RDH12: variants seen among roughly 807,000 people sequenced by gnomAD.
The protein encoded by RDH12 is retinol dehydrogenase 12.
A neutral mutation model predicts 34.0 loss-of-function variants in RDH12; 21 were observed. That is an observed-to-expected ratio of 0.62 (90% CI 0.44 to 0.89). The LOEUF (loss-of-function observed/expected upper bound fraction) is 0.89, where lower values mean the gene tolerates loss of function less well. Among genes scored for constraint, RDH12 ranks in the 40% least tolerant of loss-of-function variants. RDH12 has a pLI of 0.00. For synonymous variants in RDH12, 198 were observed against 169.9 expected (o/e 1.17, Z -1.29); for missense variants, 394 against 398.6 (o/e 0.99, Z 0.10).
At chr14:67,727,526 A>G (rs568194011) in intron 7 of RDH12, 1 of 326,424 alleles carries the variant, frequency 3.1e-6, no homozygotes, top group Admixed American at 5.1e-5. Flanking sequence ...CTTGTCGCCC[A>G]GGCTGGAGTG....
rs565542382 is a variant in RDH12, at chr14:67,720,615, C to T, written c.-274-233C>T. 2.6e-5 allele frequency among the ~76,000 whole-genome samples: 4 copies of T among 152,340 alleles called. No individual in the cohort carries two copies. The East Asian group carries it at 7.7e-4, about 29-fold the overall frequency. ...ATTTGAAATGGCATTTTCATCATAT[C>T]TAAATGCCCATGTGTATTTGGGTCT... On this transcript the variant is annotated intron_variant, in intron 1 of 8. Coordinates refer to ENST00000551171, the MANE Select transcript of RDH12 (RefSeq NM_152443.3).
At chr14:67,715,221 T>A (rs722567) in intron 1 of RDH12, 147,169 of 151,712 alleles carry the variant, frequency 0.97, 71,515 homozygotes, top group East Asian at 1. Context: ...CGTTAAAAAA[T>A]AAAAGGGGGG....
intron 8 of RDH12, 56 bp downstream of exon 8, chr14:67,729,436 C>T: frequency 6.5e-7 from 1 of 1,532,980 alleles, no homozygotes; most frequent in Non-Finnish European, 8.9e-7. Flanking sequence ...AGGTGCCGGA[C>T]TCGCTGGGCT....
At chr14:67,727,723 C>G (rs895305097) in intron 7 of RDH12, 15 of 181,384 alleles carry the variant, frequency 8.3e-5, no homozygotes, top group African/African-American at 3.6e-4. Context: ...CTCAGGTGAT[C>G]TGGCAGAAGA....
At chr14:67,729,580 G>A in intron 8 of RDH12, 200 bp downstream of exon 8, 1 of 649,746 alleles carries the variant, frequency 1.5e-6, no homozygotes, top group Non-Finnish European at 2.7e-6. Context: ...TGCTTTTCTG[G>A]CTTTATTTTA....
rs1382935996 is a variant in RDH12 at position 67,729,300 on chromosome 14, G to A, written c.768G>A (p.Lys256=). Residue 256 remains lysine (K), a synonymous_variant, in exon 8 of 9, where the codon AAG becomes AAA. Coordinates refer to ENST00000551171, the MANE Select transcript of RDH12 (RefSeq NM_152443.3). ...GGCGGCTCTTCTCCCCCTTTGTCAA[G>A]ACGGCACGGGAGGGGGCGCAGACCA... ...LLWRLFSPFV[K]TAREGAQTSL... The A allele has an allele frequency of 6.2e-7, 1 of 1,602,526 alleles. No individual in the cohort carries two copies. The highest frequency in any genetic ancestry group is 1.1e-5 in the South Asian group (1 of 91,002).
At chr14:67,726,302 TG>T (rs2038185083) in intron 6 of RDH12, 147 bp downstream of exon 6, 1 of 702,126 alleles carries the variant, frequency 1.4e-6, no homozygotes, top group South Asian at 1.5e-5. Context: ...TGTTGTTCAC[TG>T]TACCTCTCCT....
intron 1 of RDH12, among the ~76,000 whole-genome samples, chr14:67,702,273 C>A (rs1434450831): frequency 6.6e-6 from 1 of 152,070 alleles, no homozygotes; most frequent in African/African-American, 2.4e-5. Context: ...CTGGCCTGTG[C>A]TCAGTTTTTT....
intron 1 of RDH12, among the ~76,000 whole-genome samples, chr14:67,715,917 C>G (rs942818522): frequency 6.6e-6 from 1 of 152,076 alleles, no homozygotes; most frequent in Non-Finnish European, 1.5e-5. Context: ...GCCTAGAGGC[C>G]GGGGGCAGTG....
chr14:67,733,398 T>C (rs1211053935), intron 8 of RDH12, among the ~76,000 whole-genome samples: 1 of 152,248 alleles, frequency 6.6e-6, no homozygotes, highest in Non-Finnish European at 1.5e-5. Context: ...GTAGTAGTGA[T>C]ACCTGTGACT....
Position 67,724,521 on chromosome 14 carries a change from C to T in RDH12, c.117C>T (p.Gly39=), listed in dbSNP as rs1417655457. The change falls in exon 4 of 9, where the codon GGC becomes GGT. Residue 39 remains glycine, a synonymous_variant. Transcript: ENST00000551171. ...GTAGAACAAATGTGCAGCTTCCTGG[C>T]AAGGTAGTGGTGATCACTGGCGCCA... The part of the protein sequence containing the change: ...GVCRTNVQLP[G]KVVVITGANT... 3.1e-6 allele frequency: 5 copies of T among 1,613,340 alleles called. No homozygotes were observed. The highest frequency in any genetic ancestry group is 4.2e-6 in the Non-Finnish European group (5 of 1,179,658).
In RDH12 at chr14:67,727,022, G is replaced by A. The variant is rs114021577; in HGVS notation, c.490G>A (p.Val164Met). ...LTYLLLERLK[V>M]SAPARVVNVS... ...CTACCTGCTCCTGGAGCGGCTAAAG[G>A]TGTCTGCCCCTGCACGGGTGGTTAA... The change falls in exon 7 of 9, where the codon GTG becomes ATG. Residue 164 changes from valine (V) to methionine (M), a missense_variant. Val to Met is a conservative substitution (Grantham distance 21). Transcript: ENST00000551171. 8.1e-6 allele frequency: 13 copies of A among 1,613,422 alleles called. No individual in the cohort carries two copies. In the African/African-American group the frequency reaches 1.7e-4, roughly 22 times the overall value.
At position 67,724,114 on chromosome 14, in the gene RDH12, G is replaced by C. The variant is rs76956333; in HGVS notation, c.69-359G>C. Among the ~76,000 whole-genome samples the C allele has an allele frequency of 4.4e-3, 667 of 151,436 alleles. 35 individuals carry two copies. In the East Asian group the frequency reaches 0.1, roughly 24 times the overall value. On this transcript the variant is annotated intron_variant, in intron 3 of 8. Coordinates refer to ENST00000551171, the MANE Select transcript of RDH12 (RefSeq NM_152443.3). ...CTAATGTTTATCATGCATATGTTTT[G>C]AATGTAGGTTAGAGGGGAAAGCTTT...
Position 67,729,203 on chromosome 14 carries a change from C to T in RDH12, c.671C>T (p.Thr224Ile), listed in dbSNP as rs200302290. Residue 224 changes from threonine to isoleucine, a missense_variant, in exon 8 of 9, where the codon ACC becomes ATC. Transcript: ENST00000551171. ...LAKRLQGTGVTTYAVHPGVVR... is the reference protein window; with the variant it reads ...LAKRLQGTGVITYAVHPGVVR... The stretch of plus-strand genomic sequence containing the variant: ...CTCTTTGTCCCAGGCACCGGGGTCA[C>T]CACCTACGCAGTGCACCCAGGCGTC... The T allele has an allele frequency of 6.2e-6, 10 of 1,612,638 alleles. No individual in the cohort carries two copies. The highest frequency in any genetic ancestry group is 8.5e-6 in the Non-Finnish European group (10 of 1,180,016).
At chr14:67,725,589 G>A (rs1417762245) in intron 5 of RDH12, among the ~76,000 whole-genome samples, 1 of 152,190 alleles carries the variant, frequency 6.6e-6, no homozygotes, top group Admixed American at 6.5e-5. Context: ...AGATGAAGTT[G>A]TGCTGCTGGC....
intron 8 of RDH12, chr14:67,729,595 C>A: frequency 1.6e-6 from 1 of 637,480 alleles, no homozygotes; most frequent in Non-Finnish European, 2.8e-6. Context: ...ATTTTATACT[C>A]GTGTGCCGCT....
intron 4 of RDH12, 137 bp downstream of exon 4, chr14:67,724,728 G>A (rs1305388849): frequency 4.1e-6 from 3 of 733,934 alleles, no homozygotes; most frequent in Non-Finnish European, 7.3e-6. Context: ...TGGGATTCAA[G>A]TCCAACTGTG....
At position 67,724,550 on chromosome 14, in the gene RDH12, C is replaced by T. The variant is rs28940314; in HGVS notation, c.146C>T (p.Thr49Met). 37 of 1,613,862 alleles carry T rather than the reference C, an allele frequency of 2.3e-5. No individual in the cohort carries two copies. Among genetic ancestry groups the T allele is most frequent in the East Asian group, 8.9e-5 (4 of 44,890 alleles). The part of the protein sequence containing the change: ...GKVVVITGAN[T>M]GIGKETAREL... ...GTAGTGGTGATCACTGGCGCCAACA[C>T]GGGCATTGGCAAGGAGACGGCCAGA... Residue 49 changes from threonine (T) to methionine (M), a missense_variant, in exon 4 of 9, where the codon ACG (threonine) becomes ATG (methionine). Transcript: ENST00000551171.
intron 7 of RDH12, among the ~76,000 whole-genome samples, chr14:67,728,421 T>A (rs1447209486): frequency 6.6e-6 from 1 of 152,146 alleles, no homozygotes; most frequent in African/African-American, 2.4e-5. Context: ...CCAAGGAAGG[T>A]TCCTAGCTGA....
Sources: allele counts gnomAD v4.1 joint callset (sites outside exome capture counted in the v4.1 genomes callset), GRCh38; gene constraint gnomAD v4.1.1; transcripts MANE v1.5; gene names NCBI Gene and HGNC (gene_info 2026-07-23, HGNC 2026-07-21).